CIP2A: variants seen among roughly 807,000 people sequenced by gnomAD.
The protein encoded by CIP2A is cellular inhibitor of PP2A, also known as protein CIP2A.
Under a neutral mutation model 110.9 loss-of-function variants are expected in CIP2A, and 103 were observed. That is an observed-to-expected ratio of 0.93 (90% CI 0.79 to 1.09). The LOEUF is 1.09. CIP2A is among the 50% of genes least tolerant of loss of function. The pLI is 0.00. For synonymous variants in CIP2A, 381 were observed against 361.6 expected, an observed-to-expected ratio of 1.05 and a Z score of -0.61; for missense variants, 1,088 against 1,038.4, an observed-to-expected ratio of 1.05 and a Z score of -0.66.
chr3:108,565,295 A>C, intron 12 of CIP2A, 60 bp downstream of exon 12: 2 of 808,676 alleles, frequency 2.5e-6, no homozygotes, highest in South Asian at 3.4e-5. Context: ...TAAAACAGAA[A>C]CTTATATTAG....
intron 1 of CIP2A, among the ~76,000 whole-genome samples, chr3:108,588,589 A>C (rs552837970): frequency 2.0e-4 from 30 of 152,306 alleles, no homozygotes; most frequent in African/African-American, 7.0e-4. Context: ...TTGAGCTTTA[A>C]AAAAATTAAA....
chr3:108,567,797 CA>C (rs970328365), intron 10 of CIP2A, among the ~76,000 whole-genome samples: 4 of 151,748 alleles, frequency 2.6e-5, no homozygotes, highest in Non-Finnish European at 5.9e-5. Flanking sequence ...ATCGTCCGTC[CA>C]GGGGAAATAA....
chr3:108,559,638 G>C, intron 16 of CIP2A, 119 bp downstream of exon 16: 2 of 486,928 alleles, frequency 4.1e-6, no homozygotes, highest in East Asian at 6.5e-5. Context: ...AAGGAAGGAG[G>C]CATGTCAAAT....
At chr3:108,581,574 T>C (rs1285311340) in intron 4 of CIP2A, 63 bp from the exon 5 acceptor site, 1 of 947,582 alleles carries the variant, frequency 1.1e-6, no homozygotes, top group Non-Finnish European at 1.7e-6. Context: ...AGCATTAACA[T>C]TATTCTAAGT....
chr3:108,569,362 A>C, intron 9 of CIP2A, 27 bp downstream of exon 9: 1 of 1,526,966 alleles, frequency 6.5e-7, no homozygotes, highest in Non-Finnish European at 9.1e-7. Flanking sequence ...AAAAGTAGAA[A>C]AGTCAATCTG....
At position 108,552,234 on chromosome 3, in the gene CIP2A, C is replaced by A; in HGVS notation, c.2547G>T (p.Lys849Asn). 1 of 1,554,756 alleles carries A rather than the reference C, an allele frequency of 6.4e-7. No homozygotes were observed. Among genetic ancestry groups the A allele is most frequent in the South Asian group, 1.2e-5 (1 of 80,158 alleles). The change falls in exon 20 of 21, where the codon AAG becomes AAT. Residue 849 changes from lysine (K) to asparagine (N), a missense_variant and splice_region_variant. Transcript: ENST00000295746. ...AATGAGAAATGGAACAGATTCTTAC[C>A]TTAATGCTCAACTCTTTTCTTATCT... The part of the protein sequence containing the change: ...TEQIRKELSI[K>N]ASSLEVQKAQ...
At position 108,553,702 on chromosome 3, in the gene CIP2A, C is replaced by A. The variant is rs1362083661; in HGVS notation, c.2353G>T (p.Glu785Ter). ...KSIAQLIEKE[E>*]QRKEVQNQLV... ...TGATTCTGTACTTCTTTTCTCTGTTCTTCTTTCTCTATTAATTGGGCAATA... is the reference window on the plus strand; with the variant it reads ...TGATTCTGTACTTCTTTTCTCTGTTATTCTTTCTCTATTAATTGGGCAATA... Residue 785 changes from glutamate (E) to a stop codon, truncating the protein, a stop_gained, in exon 19 of 21, where the codon GAA becomes TAA. Coordinates refer to ENST00000295746, the MANE Select transcript of CIP2A (RefSeq NM_020890.3). LOFTEE classifies it high-confidence loss of function. 6.7e-7 allele frequency: 1 copy of A among 1,496,078 alleles called. No individual in the cohort carries two copies. 92.7% of individuals were successfully genotyped at this position (1,496,078 alleles called of 1,614,324 possible).
At chr3:108,561,537 C>T (rs1338458691) in intron 13 of CIP2A, among the ~76,000 whole-genome samples, 2 of 152,022 alleles carry the variant, frequency 1.3e-5, no homozygotes, top group Non-Finnish European at 2.9e-5. Context: ...GTTGTGGTGG[C>T]ACAAGCCTGT....
At chr3:108,580,409 G>C (rs1190207904) in intron 5 of CIP2A, among the ~76,000 whole-genome samples, 1 of 141,950 alleles carries the variant, frequency 7.0e-6, no homozygotes, top group Non-Finnish European at 1.5e-5. Context: ...ATGAACATAT[G>C]AACTTTTTTT....
intron 7 of CIP2A, among the ~76,000 whole-genome samples, chr3:108,578,466 C>A (rs919418296): frequency 4.6e-5 from 7 of 151,654 alleles, no homozygotes; most frequent in Admixed American, 3.9e-4. Context: ...GCCATATGAA[C>A]AATGGTCAAG....
intron 20 of CIP2A, among the ~76,000 whole-genome samples, chr3:108,551,714 T>C (rs1937603633): frequency 6.6e-6 from 1 of 152,076 alleles, no homozygotes; most frequent in Non-Finnish European, 1.5e-5. Flanking sequence ...TTAATCCTAG[T>C]CTGTTCTCAT....
At chr3:108,587,219 A>G (rs1290385028) in intron 1 of CIP2A, among the ~76,000 whole-genome samples, 2 of 152,216 alleles carry the variant, frequency 1.3e-5, no homozygotes, top group Non-Finnish European at 2.9e-5. Flanking sequence ...TCCACAAAAA[A>G]TGTATGTCTA....
intron 5 of CIP2A, among the ~76,000 whole-genome samples, chr3:108,580,605 A>G (rs1938837090): frequency 6.6e-6 from 1 of 151,940 alleles, no homozygotes; most frequent in Non-Finnish European, 1.5e-5. Context: ...ACCTTAAAGA[A>G]TCAGTGACTT....
intron 20 of CIP2A, 96 bp downstream of exon 20, chr3:108,552,138 T>A: frequency 1.1e-6 from 1 of 921,860 alleles, no homozygotes; most frequent in Non-Finnish European, 1.6e-6. Context: ...TCTAAAAAAT[T>A]TGCTGAAGAA....
At chr3:108,555,515 G>A (rs935603613) in intron 17 of CIP2A, among the ~76,000 whole-genome samples, 13 of 152,076 alleles carry the variant, frequency 8.5e-5, no homozygotes, top group Non-Finnish European at 1.6e-4. Flanking sequence ...TCAGAGACCC[G>A]GACCCTCATT....
At chr3:108,577,758 GCGTGGTGA>G (rs1938711836) in intron 7 of CIP2A, among the ~76,000 whole-genome samples, 1 of 152,124 alleles carries the variant, frequency 6.6e-6, no homozygotes, top group Non-Finnish European at 1.5e-5. Context: ...AATTAGCTGG[GCGTGGTGA>G]CGTGTGCCTG....
At chr3:108,563,324 A>G in intron 12 of CIP2A, 80 bp from the exon 13 acceptor site, 1 of 804,652 alleles carries the variant, frequency 1.2e-6, no homozygotes, top group Non-Finnish European at 2.1e-6. Flanking sequence ...GTGAGTAAAT[A>G]TATGTAAATC....
At chr3:108,568,398 T>C in intron 9 of CIP2A, 84 bp from the exon 10 acceptor site, 2 of 1,100,000 alleles carry the variant, frequency 1.8e-6, no homozygotes, top group Non-Finnish European at 2.6e-6. Context: ...TGTAACACTC[T>C]CTTTAAATTT....
chr3:108,580,224 A>G (rs1236380204), intron 5 of CIP2A, among the ~76,000 whole-genome samples: 1 of 152,236 alleles, frequency 6.6e-6, no homozygotes, highest in East Asian at 1.9e-4. Flanking sequence ...TAACTTTGCC[A>G]TATTTGCTGA....
Sources: gnomAD v4.1 joint callset for allele counts (sites outside exome capture counted in the v4.1 genomes callset) on GRCh38, gnomAD v4.1.1 for gene constraint, MANE v1.5 for transcripts, NCBI Gene and HGNC (gene_info 2026-07-23, HGNC 2026-07-21) for gene names.